Variants in BMF observed in about 807,000 individuals in gnomAD.
BMF encodes the protein Bcl2 modifying factor.
In BMF, 10 loss-of-function variants were observed where a neutral mutation model predicts 22.0. That is an observed-to-expected ratio of 0.45 (90% CI 0.28 to 0.77). BMF has a LOEUF of 0.77. Ranked by LOEUF, BMF falls within the 30% of genes least tolerant of loss-of-function variation. The pLI is 0.13. For synonymous variants in BMF, 87 were observed against 88.1 expected (o/e 0.99, Z 0.07); for missense variants, 206 against 226.8 (o/e 0.91, Z 0.59).
intron 4 of BMF, among the ~76,000 whole-genome samples, chr15:40,099,791 A>G (rs200323779): frequency 1.3e-5 from 2 of 150,974 alleles, no homozygotes. Flanking sequence ...AAAAAAAAAA[A>G]AAAAAAAAAA....
At chr15:40,098,349 G>A (rs1302523363) in intron 4 of BMF, among the ~76,000 whole-genome samples, 1 of 152,164 alleles carries the variant, frequency 6.6e-6, no homozygotes, top group Non-Finnish European at 1.5e-5. Context: ...AGGAACTACT[G>A]AGACCCTTAC....
In BMF at chr15:40,106,008, C is replaced by T. The variant is rs369161991; in HGVS notation, c.79G>A (p.Gly27Arg). 19 of 1,613,738 alleles carry T rather than the reference C, an allele frequency of 1.2e-5. No homozygotes were observed. The highest frequency in any genetic ancestry group is 1.7e-5 in the Admixed American group (1 of 59,992). The change falls in exon 3 of 5, where the codon GGG (glycine) becomes AGG (arginine). Residue 27 changes from glycine to arginine, a missense_variant. Gly to Arg is a moderately radical substitution (Grantham distance 125). Coordinates refer to ENST00000354670, the MANE Select transcript of BMF (RefSeq NM_001003940.2). This position sits in a 1 kb window ranked among gnomAD's most constrained non-coding sequence, Gnocchi z 4.1. ...AACAGGTCAGCAGAGAGCAAGCTCC[C>T]GGGTTGGGTCACCGGCTCCCCATCC... ...PEDGEPVTQP[G>R]SLLSADLFAQ...
chr15:40,091,089 G>A lies in BMF; in HGVS notation c.*698C>T, dbSNP rs2036221107. On this transcript the variant is annotated 3_prime_UTR_variant, in exon 5 of 5. Transcript: ENST00000354670. ...CCAAGTGGGACCAAGTCAGTTTTGAGGCCTAGCCAGAAGTTTGGTTCATTT... is the reference window on the plus strand; with the variant it reads ...CCAAGTGGGACCAAGTCAGTTTTGAAGCCTAGCCAGAAGTTTGGTTCATTT... 1 of 152,756 alleles carries A rather than the reference G, an allele frequency of 6.5e-6. No homozygotes were observed. The highest frequency in any genetic ancestry group is 2.4e-5 in the African/African-American group (1 of 41,456). The allele number at this position is 152,756 out of a possible 1,614,324, so 9.5% of individuals were successfully genotyped here.
chr15:40,107,863 G>A (rs1004455205), intron 2 of BMF, among the ~76,000 whole-genome samples: 1 of 152,128 alleles, frequency 6.6e-6, no homozygotes, highest in Non-Finnish European at 1.5e-5. Flanking sequence ...AGTGGGGGAG[G>A]TGCAGCCAGA....
chr15:40,096,784 A>G (rs1319911982), intron 4 of BMF, among the ~76,000 whole-genome samples: 1 of 152,222 alleles, frequency 6.6e-6, no homozygotes, highest in Non-Finnish European at 1.5e-5. Context: ...TTGTTTCCAG[A>G]TCATTAACTA....
At chr15:40,094,413 A>G (rs2036312922) in intron 4 of BMF, among the ~76,000 whole-genome samples, 1 of 152,148 alleles carries the variant, frequency 6.6e-6, no homozygotes, top group East Asian at 1.9e-4. Context: ...ACTAGTTTCC[A>G]TGCCTCTGCG....
Position 40,106,286 on chromosome 15 carries a change from G to T in BMF, c.-5-195C>A. 1.7e-6 allele frequency: 1 copy of T among 593,630 alleles called. No individual in the cohort carries two copies. Among genetic ancestry groups the T allele is most frequent in the Non-Finnish European group, 2.7e-6 (1 of 364,082 alleles). The allele number at this position is 593,630 out of a possible 1,614,324, so 36.8% of individuals were successfully genotyped here. A position where few individuals can be genotyped will look rare whatever the true frequency, so the allele number is the denominator to read the frequency against. ...CTCCCCAAATGTGGACTGCCTGAAT[G>T]TTCAGGGGCTCTCCACACCTCTTCC... is the stretch of plus-strand genomic sequence containing the variant. On this transcript the variant is annotated intron_variant, in intron 2 of 4. Transcript: ENST00000354670. This position sits in a 1 kb window ranked among gnomAD's most constrained non-coding sequence, Gnocchi z 4.1.
At chr15:40,104,433 G>A in intron 3 of BMF, 93 bp from the exon 4 acceptor site, 1 of 1,499,808 alleles carries the variant, frequency 6.7e-7, no homozygotes, top group Non-Finnish European at 9.1e-7. Flanking sequence ...GAGGCTGAGG[G>A]TAAATCCTCA....
intron 2 of BMF, among the ~76,000 whole-genome samples, chr15:40,107,216 A>G (rs2036605387): frequency 1.3e-5 from 2 of 152,214 alleles, no homozygotes; most frequent in African/African-American, 4.8e-5. Context: ...AGCTAAGGAT[A>G]AAAAGAGATG....
At chr15:40,092,453 T>TCTCA (rs1555427549) in intron 4 of BMF, among the ~76,000 whole-genome samples, 1 of 148,608 alleles carries the variant, frequency 6.7e-6, no homozygotes, top group African/African-American at 2.5e-5. Flanking sequence ...ACACACAGAC[T>TCTCA]CACACACACA....
chr15:40,092,941 T>C (rs2036274108), intron 4 of BMF, among the ~76,000 whole-genome samples: 3 of 152,214 alleles, frequency 2.0e-5, no homozygotes, highest in Admixed American at 2.0e-4. Flanking sequence ...CGGGCTGGAC[T>C]TGGATTACTT....
At chr15:40,092,802 G>A (rs1438434721) in intron 4 of BMF, among the ~76,000 whole-genome samples, 2 of 152,076 alleles carry the variant, frequency 1.3e-5, no homozygotes, top group Non-Finnish European at 2.9e-5. Context: ...GTGGAAACTG[G>A]GGGGTGCTGG....
intron 4 of BMF, among the ~76,000 whole-genome samples, chr15:40,100,472 G>C (rs1364588763): frequency 6.6e-6 from 1 of 152,216 alleles, no homozygotes; most frequent in Admixed American, 6.5e-5. Context: ...CTCCTGCCCC[G>C]GCCAAAGGAA....
At chr15:40,094,048 C>A (rs971370866) in intron 4 of BMF, among the ~76,000 whole-genome samples, 12 of 152,330 alleles carry the variant, frequency 7.9e-5, no homozygotes, top group African/African-American at 2.6e-4. Flanking sequence ...CAGAGTGCCA[C>A]TACCTTTCTT....
intron 4 of BMF, among the ~76,000 whole-genome samples, chr15:40,095,872 G>A (rs80094962): frequency 7.4e-4 from 113 of 152,336 alleles, no homozygotes; most frequent in African/African-American, 2.6e-3. Context: ...GCCACGGACA[G>A]GGGATGAAGG....
chr15:40,101,113 A>AT (rs1176471684), intron 4 of BMF, among the ~76,000 whole-genome samples: 1 of 152,210 alleles, frequency 6.6e-6, no homozygotes, highest in African/African-American at 2.4e-5. Context: ...TCCACAGATG[A>AT]TCAGTCTGGA....
Position 40,105,998 on chromosome 15 carries a change from A to G in BMF, c.89T>C (p.Leu30Pro), listed in dbSNP as rs2036579965. 1 of 1,613,918 alleles carries G rather than the reference A, an allele frequency of 6.2e-7. No individual in the cohort carries two copies. Among genetic ancestry groups the G allele is most frequent in the Non-Finnish European group, 8.5e-7 (1 of 1,180,012 alleles). The stretch of plus-strand genomic sequence containing the variant: ...GCTCTGGGCAAACAGGTCAGCAGAG[A>G]GCAAGCTCCCGGGTTGGGTCACCGG... ...GEPVTQPGSL[L>P]SADLFAQSLL... Residue 30 changes from leucine to proline, a missense_variant, in exon 3 of 5, where the codon CTC becomes CCC. By Grantham distance (98) the Leu-to-Pro change is moderately conservative. Coordinates refer to ENST00000354670, the MANE Select transcript of BMF (RefSeq NM_001003940.2).
chr15:40,108,355 A>G lies in BMF; in HGVS notation c.-102T>C, dbSNP rs1308881836. ...ACGAGCACTCGGGGGCTGGACGCCC[A>G]GACTCGATTGGGAAGGAGGGAAAAA... On this transcript the variant is annotated 5_prime_UTR_variant, in exon 2 of 5. Coordinates refer to ENST00000354670, the MANE Select transcript of BMF (RefSeq NM_001003940.2). 1 of 152,870 alleles carries G rather than the reference A, an allele frequency of 6.5e-6. No individual in the cohort carries two copies. The highest frequency in any genetic ancestry group is 2.4e-5 in the African/African-American group (1 of 41,450). The allele number at this position is 152,870 out of a possible 1,614,324, so 9.5% of individuals were successfully genotyped here.
chr15:40,104,169 C>T lies in BMF; in HGVS notation c.453+11G>A. On this transcript the variant is annotated intron_variant, in intron 4 of 4. Coordinates refer to ENST00000354670, the MANE Select transcript of BMF (RefSeq NM_001003940.2). Reference sequence around the variant, plus strand: ...AGACTCAACCCTCCTCCCCTAAACCCCCGTGCCTACTTGCTGCACATGAAG... The same window carrying T: ...AGACTCAACCCTCCTCCCCTAAACCTCCGTGCCTACTTGCTGCACATGAAG... The T allele has an allele frequency of 1.9e-6, 3 of 1,614,076 alleles. No individual in the cohort carries two copies. The highest frequency in any genetic ancestry group is 2.5e-6 in the Non-Finnish European group (3 of 1,179,944).
Sources: allele counts gnomAD v4.1 joint callset (sites outside exome capture counted in the v4.1 genomes callset), GRCh38; gene constraint gnomAD v4.1.1; non-coding constraint Gnocchi (gnomAD v3.1); transcripts MANE v1.5; gene names NCBI Gene and HGNC (gene_info 2026-07-23, HGNC 2026-07-21).